CD2AP: variants seen among roughly 807,000 people sequenced by gnomAD.
The protein encoded by CD2AP is CD2-associated protein.
Under a neutral mutation model 85.1 loss-of-function variants are expected in CD2AP, and 46 were observed. The observed-to-expected ratio is 0.54, with a 90% CI of 0.43 to 0.69. The LOEUF (loss-of-function observed/expected upper bound fraction) is 0.69, where lower values mean the gene tolerates loss of function less well. Among genes scored for constraint, CD2AP ranks in the 30% least tolerant of loss-of-function variants. CD2AP has a pLI of 0.00. For synonymous variants in CD2AP, 255 were observed against 252.9 expected, an observed-to-expected ratio of 1.01 and a Z score of -0.08; for missense variants, 769 against 729.5, an observed-to-expected ratio of 1.05 and a Z score of -0.62.
At chr6:47,541,806 A>G (rs1767223337) in intron 3 of CD2AP, among the ~76,000 whole-genome samples, 1 of 152,240 alleles carries the variant, frequency 6.6e-6, no homozygotes, top group Non-Finnish European at 1.5e-5. Flanking sequence ...GTACAAGAAC[A>G]TAAGTCTTCT....
intron 5 of CD2AP, among the ~76,000 whole-genome samples, chr6:47,557,832 C>T (rs983263274): frequency 1.6e-4 from 24 of 152,004 alleles, no homozygotes; most frequent in African/African-American, 4.8e-4. Context: ...CCATATGAAA[C>T]ATAAAGTAGT....
intron 2 of CD2AP, among the ~76,000 whole-genome samples, chr6:47,526,273 A>T (rs1264637052): frequency 6.6e-6 from 1 of 152,124 alleles, no homozygotes; most frequent in African/African-American, 2.4e-5. Flanking sequence ...TCTAGTAGTA[A>T]GGGATTGTAG....
chr6:47,500,734 G>A lies in CD2AP; in HGVS notation c.5-2546G>A, dbSNP rs1257382542. Among the ~76,000 whole-genome samples the A allele has an allele frequency of 2.7e-5, 4 of 150,360 alleles. No individual in the cohort carries two copies. The Admixed American group carries it at 2.7e-4, about 10-fold the overall frequency. ...AAAGAACATCCAGAGTCTGCAGGAGGCCATTCCTTCCTTGGTTTTTTTTTT... is the reference window on the plus strand; with the variant it reads ...AAAGAACATCCAGAGTCTGCAGGAGACCATTCCTTCCTTGGTTTTTTTTTT... On this transcript the variant is annotated intron_variant, in intron 1 of 17. Transcript: ENST00000359314.
At chr6:47,621,802 C>G (rs1418997463) in intron 17 of CD2AP, among the ~76,000 whole-genome samples, 2 of 152,114 alleles carry the variant, frequency 1.3e-5, no homozygotes, top group Non-Finnish European at 2.9e-5. Flanking sequence ...ATTCATCCAT[C>G]TCTTCTAGGT....
chr6:47,497,897 C>T (rs977246962), intron 1 of CD2AP, among the ~76,000 whole-genome samples: 6 of 152,184 alleles, frequency 3.9e-5, no homozygotes, highest in Admixed American at 2.0e-4. Context: ...CTTTTTGTCT[C>T]CCGTTTAGTA....
intron 3 of CD2AP, among the ~76,000 whole-genome samples, chr6:47,534,811 T>C (rs1766982554): frequency 6.6e-6 from 1 of 152,074 alleles, no homozygotes; most frequent in African/African-American, 2.4e-5. Context: ...TACTTTTTTT[T>C]TTTTTTGAGA....
intron 11 of CD2AP, among the ~76,000 whole-genome samples, chr6:47,593,733 A>G (rs1052233925): frequency 3.9e-5 from 6 of 152,134 alleles, no homozygotes; most frequent in African/African-American, 1.2e-4. Context: ...TTTAGCTACT[A>G]TGAAAAGCAG....
intron 1 of CD2AP, among the ~76,000 whole-genome samples, chr6:47,495,160 G>A (rs1055963241): frequency 1.3e-5 from 2 of 152,052 alleles, no homozygotes; most frequent in South Asian, 2.1e-4. Context: ...AAGGCTTTGC[G>A]TCAAAAAGAG....
chr6:47,497,747 G>C (rs1265147310), intron 1 of CD2AP, among the ~76,000 whole-genome samples: 1 of 152,036 alleles, frequency 6.6e-6, no homozygotes, highest in Non-Finnish European at 1.5e-5. Context: ...ACAGTTCTTT[G>C]CCTTTCCAAA....
chr6:47,498,575 T>G (rs1208955396), intron 1 of CD2AP, among the ~76,000 whole-genome samples: 2 of 152,188 alleles, frequency 1.3e-5, no homozygotes, highest in African/African-American at 4.8e-5. Flanking sequence ...TTTCCTTATT[T>G]TCATCTTTTT....
rs1349452866 is a variant in CD2AP, at chr6:47,528,197, C to CA, written c.166-5404dup. Among the ~76,000 whole-genome samples the CA allele has an allele frequency of 2.6e-5, 4 of 152,248 alleles. No homozygotes were observed. In the East Asian group the frequency reaches 5.8e-4, roughly 22 times the overall value. On this transcript the variant is annotated intron_variant, in intron 2 of 17. Coordinates refer to ENST00000359314, the MANE Select transcript of CD2AP (RefSeq NM_012120.3). Reference sequence around the variant, plus strand: ...TTACTACTTCTTTTGGGGGATGAGACAGAGTCTCTTTCTGTCACCCATGCT... The same window carrying CA: ...TTACTACTTCTTTTGGGGGATGAGACAAGAGTCTCTTTCTGTCACCCATGCT...
At chr6:47,551,188 A>C (rs199760461) in intron 4 of CD2AP, among the ~76,000 whole-genome samples, 1 of 84,612 alleles carries the variant, frequency 1.2e-5, no homozygotes, top group Non-Finnish European at 2.5e-5. Context: ...ATGGAAATAA[A>C]AAAAAGAAAA....
At chr6:47,569,540 C>A (rs2114089362) in intron 5 of CD2AP, among the ~76,000 whole-genome samples, 1 of 151,108 alleles carries the variant, frequency 6.6e-6, no homozygotes. Flanking sequence ...CTTTACCGGG[C>A]AACTAGATGG....
chr6:47,599,520 C>A, intron 13 of CD2AP, 77 bp downstream of exon 13: 1 of 1,304,218 alleles, frequency 7.7e-7, no homozygotes, highest in Non-Finnish European at 1.1e-6. Flanking sequence ...TATATTTATG[C>A]AATTTGTGTG....
intron 3 of CD2AP, among the ~76,000 whole-genome samples, chr6:47,537,258 G>A (rs898509141): frequency 6.6e-6 from 1 of 152,148 alleles, no homozygotes; most frequent in African/African-American, 2.4e-5. Context: ...CATTCTGAAT[G>A]CTGTCAGATT....
chr6:47,502,437 C>T (rs949307491), intron 1 of CD2AP, among the ~76,000 whole-genome samples: 25 of 150,816 alleles, frequency 1.7e-4, no homozygotes, highest in African/African-American at 3.4e-4. Context: ...CTGGTTTTTG[C>T]GTTTTTGTAG....
chr6:47,494,679 A>G (rs1026194247), intron 1 of CD2AP, among the ~76,000 whole-genome samples: 3 of 152,148 alleles, frequency 2.0e-5, no homozygotes, highest in East Asian at 1.9e-4. Flanking sequence ...AAAACCCACA[A>G]TAGTGTGGGG....
At chr6:47,550,194 A>G (rs1363143794) in intron 4 of CD2AP, among the ~76,000 whole-genome samples, 1 of 152,130 alleles carries the variant, frequency 6.6e-6, no homozygotes, top group Non-Finnish European at 1.5e-5. Context: ...TGCACTAAAA[A>G]CAGATAAATA....
At chr6:47,521,743 A>G (rs894113723) in intron 2 of CD2AP, among the ~76,000 whole-genome samples, 13 of 151,266 alleles carry the variant, frequency 8.6e-5, no homozygotes, top group Middle Eastern at 3.5e-3. Context: ...GAGATTTAAG[A>G]TAACTCTCAC....
Sources: allele counts gnomAD v4.1 joint callset (sites outside exome capture counted in the v4.1 genomes callset), GRCh38; gene constraint gnomAD v4.1.1; transcripts MANE v1.5; gene names NCBI Gene and HGNC (gene_info 2026-07-23, HGNC 2026-07-21).